The following SIK3 variants were observed in gnomAD, a reference collection of about 807,000 sequenced individuals.
SIK3 encodes the protein SIK family kinase 3.
A neutral mutation model predicts 144.2 loss-of-function variants in SIK3; 28 were observed. The ratio of observed to expected loss-of-function variants is 0.19; its 90% CI spans 0.14 to 0.27. The LOEUF is 0.27. Among genes scored for constraint, SIK3 ranks in the 10% least tolerant of loss-of-function variants. The pLI, the probability that SIK3 is intolerant of heterozygous loss-of-function variation, is 1.00. For synonymous variants in SIK3, 686 were observed against 676.3 expected, an observed-to-expected ratio of 1.01 and a Z score of -0.22; for missense variants, 1,319 against 1,776.0, an observed-to-expected ratio of 0.74 and a Z score of 4.62.
chr11:116,844,681 AT>A lies in SIK3; in HGVS notation c.*961del, dbSNP rs1565346086. 6.4e-5 allele frequency: 8 copies of A among 124,212 alleles called. No homozygotes were observed. The highest frequency in any genetic ancestry group is 1.6e-4 in the Admixed American group (2 of 12,166). The allele number at this position is 124,212 out of a possible 1,614,324, so 7.7% of individuals were successfully genotyped here. On this transcript the variant is annotated 3_prime_UTR_variant, in exon 25 of 25. Coordinates refer to ENST00000445177, the MANE Select transcript of SIK3 (RefSeq NM_001366686.3). ...TAATATATATATACACATATATTAT[AT>A]TATATATATACACACATATATAATA...
At chr11:116,875,819 C>G (rs533496650) in intron 9 of SIK3, 47 bp downstream of exon 9, 4 of 1,557,696 alleles carry the variant, frequency 2.6e-6, no homozygotes, top group Admixed American at 4.3e-5. Context: ...ACCTTTACCC[C>G]CCTGGTGTTA....
Position 117,071,494 on chromosome 11 carries a change from C to T in SIK3, c.273+26649G>A, listed in dbSNP as rs188001430. On this transcript the variant is annotated intron_variant, in intron 1 of 24. Transcript: ENST00000445177. ...CATGCCTCTCTCTCTTGCTTACCAACGAATCCCAATGTCTGGCACAGTGCC... is the reference window on the plus strand; with the variant it reads ...CATGCCTCTCTCTCTTGCTTACCAATGAATCCCAATGTCTGGCACAGTGCC... Among the ~76,000 whole-genome samples, 307 of 151,918 alleles carry T rather than the reference C, an allele frequency of 2.0e-3. 3 individuals carry two copies. The highest frequency in any genetic ancestry group is 6.9e-3 in the African/African-American group (286 of 41,398).
At chr11:116,877,956 G>T (rs1378543602) in intron 6 of SIK3, among the ~76,000 whole-genome samples, 2 of 152,104 alleles carry the variant, frequency 1.3e-5, no homozygotes, top group African/African-American at 2.4e-5. Context: ...TCCCATTTTA[G>T]GAATAGCAAA....
At chr11:117,045,988 T>C (rs1430817046) in intron 1 of SIK3, among the ~76,000 whole-genome samples, 2 of 152,246 alleles carry the variant, frequency 1.3e-5, no homozygotes, top group Non-Finnish European at 2.9e-5. Context: ...GGATGAGAAT[T>C]AGGGTGTCCT....
At chr11:117,030,707 G>A (rs970487266) in intron 1 of SIK3, among the ~76,000 whole-genome samples, 3 of 151,730 alleles carry the variant, frequency 2.0e-5, no homozygotes, top group South Asian at 2.1e-4. Context: ...TCTCATTCCC[G>A]TTGCCCAGGC....
intron 1 of SIK3, among the ~76,000 whole-genome samples, chr11:117,083,762 A>G (rs1278723109): frequency 6.6e-6 from 1 of 152,240 alleles, no homozygotes; most frequent in Admixed American, 6.5e-5. Context: ...CAATAAAAAC[A>G]GTTCTGTTTC....
intron 1 of SIK3, among the ~76,000 whole-genome samples, chr11:117,061,001 C>T (rs1565605706): frequency 6.6e-6 from 1 of 152,148 alleles, no homozygotes; most frequent in Admixed American, 6.6e-5. Context: ...AATATCAGAA[C>T]TTTTGGAGGC....
In SIK3 at chr11:116,844,413, GATA is replaced by G. The variant is rs1241930022; in HGVS notation, c.*1227_*1229del. ...CCTTTTCTCTTTATTTATTAATAAT[GATA>G]ATAACAATAATATCAACATTTACCA... On this transcript the variant is annotated 3_prime_UTR_variant, in exon 25 of 25. Coordinates refer to ENST00000445177, the MANE Select transcript of SIK3 (RefSeq NM_001366686.3). The G allele has an allele frequency of 6.6e-6, 1 of 150,996 alleles. No individual in the cohort carries two copies. The highest frequency in any genetic ancestry group is 2.4e-5 in the African/African-American group (1 of 41,116). The allele number at this position is 150,996 out of a possible 1,614,324, so 9.4% of individuals were successfully genotyped here.
chr11:116,918,896 C>T (rs142097571), intron 4 of SIK3, among the ~76,000 whole-genome samples: 15 of 152,288 alleles, frequency 9.8e-5, no homozygotes, highest in South Asian at 2.1e-4. Context: ...CAAGGGTCAA[C>T]GTGCAGGAAG....
chr11:117,089,106 T>C (rs1276071868), intron 1 of SIK3, among the ~76,000 whole-genome samples: 2 of 151,848 alleles, frequency 1.3e-5, no homozygotes, highest in Admixed American at 1.3e-4. Context: ...TAATAAATGT[T>C]TATAAGAGTA....
intron 1 of SIK3, among the ~76,000 whole-genome samples, chr11:117,055,138 ACT>A (rs1173784896): frequency 3.3e-5 from 5 of 152,164 alleles, no homozygotes; most frequent in Non-Finnish European, 7.3e-5. Context: ...CCACAGAAAG[ACT>A]CTGACTTTAG....
In SIK3 at chr11:116,870,058, CA is replaced by C. The variant is rs1319969830; in HGVS notation, c.1808+272del. ...TACTATCAGAGTTGCAATATGAAGG[CA>C]GGGGACAAGGAAGAAGGAGGGAGGA... On this transcript the variant is annotated intron_variant, in intron 14 of 24. Transcript: ENST00000445177. 3.7e-6 allele frequency: 5 copies of C among 1,362,866 alleles called. No homozygotes were observed. In the African/African-American group the frequency reaches 5.8e-5, roughly 16 times the overall value. The allele number at this position is 1,362,866 out of a possible 1,614,324, so 84.4% of individuals were successfully genotyped here.
chr11:117,073,652 T>C (rs558118926), intron 1 of SIK3, among the ~76,000 whole-genome samples: 4 of 150,730 alleles, frequency 2.7e-5, no homozygotes, highest in Admixed American at 1.3e-4. Context: ...TGGAAGTCTA[T>C]TGACCAGACC....
At chr11:116,905,850 C>T (rs556998343) in intron 4 of SIK3, among the ~76,000 whole-genome samples, 1 of 152,164 alleles carries the variant, frequency 6.6e-6, no homozygotes, top group Non-Finnish European at 1.5e-5. Context: ...TTTATACATT[C>T]TGGATACAAA....
intron 6 of SIK3, among the ~76,000 whole-genome samples, chr11:116,884,341 C>T (rs1565407171): frequency 7.1e-6 from 1 of 141,836 alleles, no homozygotes; most frequent in African/African-American, 2.6e-5. Context: ...CACACACCAC[C>T]ACATCTGGCT....
intron 1 of SIK3, among the ~76,000 whole-genome samples, chr11:117,014,445 C>G (rs1440576629): frequency 6.6e-6 from 1 of 151,672 alleles, no homozygotes; most frequent in Non-Finnish European, 1.5e-5. Context: ...TCACAGAAAG[C>G]ACTAATCATA....
chr11:116,974,040 T>G (rs1949859773), intron 1 of SIK3, among the ~76,000 whole-genome samples: 1 of 152,222 alleles, frequency 6.6e-6, no homozygotes, highest in Non-Finnish European at 1.5e-5. Flanking sequence ...CTAATATTGG[T>G]CCATTAATTA....
intron 1 of SIK3, among the ~76,000 whole-genome samples, chr11:117,019,304 C>A (rs1188507451): frequency 6.6e-6 from 1 of 152,188 alleles, no homozygotes; most frequent in Non-Finnish European, 1.5e-5. Context: ...ACAGGGTGAG[C>A]CACCGCACAC....
chr11:116,996,139 C>T (rs1167813603), intron 1 of SIK3, among the ~76,000 whole-genome samples: 1 of 152,068 alleles, frequency 6.6e-6, no homozygotes, highest in Non-Finnish European at 1.5e-5. Flanking sequence ...AAAACCCTGT[C>T]TCTACTAAAA....
Sources: allele counts gnomAD v4.1 joint callset (sites outside exome capture counted in the v4.1 genomes callset), GRCh38; gene constraint gnomAD v4.1.1; transcripts MANE v1.5; gene names NCBI Gene and HGNC (gene_info 2026-07-23, HGNC 2026-07-21).